Variants in PRDM16 observed in about 807,000 individuals in gnomAD.
PRDM16 encodes PR/SET domain 16.
A neutral mutation model predicts 110.6 loss-of-function variants in PRDM16; 23 were observed. That is an observed-to-expected ratio of 0.21 (90% confidence interval 0.15 to 0.29). The LOEUF (loss-of-function observed/expected upper bound fraction) is 0.29, where lower values mean the gene tolerates loss of function less well. Among genes scored for constraint, PRDM16 ranks in the 10% least tolerant of loss-of-function variants. PRDM16 has a pLI of 1.00. For missense variants in PRDM16, 1,615 were observed against 1,794.3 expected, an observed-to-expected ratio of 0.90 and a Z score of 1.81; for synonymous variants, 799 against 781.8, an observed-to-expected ratio of 1.02 and a Z score of -0.37.
Position 3,080,295 on chromosome 1 carries a change from A to G in PRDM16, c.37+10999A>G, listed in dbSNP as rs1453046522. 6.6e-6 allele frequency among the ~76,000 whole-genome samples: 1 copy of G among 152,210 alleles called. No individual in the cohort carries two copies. Among genetic ancestry groups the G allele is most frequent in the Non-Finnish European group, 1.5e-5 (1 of 68,038 alleles). On this transcript the variant is annotated intron_variant, in intron 1 of 16. Transcript: ENST00000270722. This position sits in a 1 kb window ranked among gnomAD's most constrained non-coding sequence, Gnocchi z 5.2. ...GTGCGAGTGCCTCTCTGAATGGGGT[A>G]TTCAGTTCCCAGCCCAGGCTGAGCG...
chr1:3,181,204 A>ACGGTCTTACACACG (rs1644164844), intron 1 of PRDM16, among the ~76,000 whole-genome samples: 1 of 128,930 alleles, frequency 7.8e-6, no homozygotes, highest in Admixed American at 7.8e-5. Flanking sequence ...GGTCTTACAC[A>ACGGTCTTACACACG]CGGTCTTACA....
intron 2 of PRDM16, among the ~76,000 whole-genome samples, chr1:3,228,033 C>T (rs1557543223): frequency 2.0e-5 from 3 of 152,226 alleles, no homozygotes; most frequent in South Asian, 4.1e-4. Context: ...TGTTCCGCTC[C>T]GGGAAAGCGA....
chr1:3,385,136 G>T lies in PRDM16; in HGVS notation c.439-16G>T. ...ACAGGGCACCTCTGACTCCCGCTTC[G>T]CTTTCCTCCCAGCAGATCTCCGAAG... On this transcript the variant is annotated splice_polypyrimidine_tract_variant and intron_variant, in intron 3 of 16. Coordinates refer to ENST00000270722, the MANE Select transcript of PRDM16 (RefSeq NM_022114.4). The T allele has an allele frequency of 6.2e-7, 1 of 1,613,166 alleles. No homozygotes were observed. Among genetic ancestry groups the T allele is most frequent in the South Asian group, 1.1e-5 (1 of 91,074 alleles).
chr1:3,165,934 CAG>C (rs1643951041), intron 1 of PRDM16, among the ~76,000 whole-genome samples: 3 of 115,602 alleles, frequency 2.6e-5, no homozygotes, highest in African/African-American at 3.9e-5. Context: ...GGCTCAGGGA[CAG>C]GGACTCACCT....
chr1:3,289,768 T>A (rs1640931454), intron 3 of PRDM16, among the ~76,000 whole-genome samples: 1 of 152,128 alleles, frequency 6.6e-6, no homozygotes, highest in Non-Finnish European at 1.5e-5. Context: ...TCACAGCTGC[T>A]ATGCCTGTGG....
At position 3,411,608 on chromosome 1, in the gene PRDM16, A is replaced by C. The variant is rs780210180; in HGVS notation, c.1411A>C (p.Lys471Gln). 1 of 1,613,868 alleles carries C rather than the reference A, an allele frequency of 6.2e-7. No homozygotes were observed. Among genetic ancestry groups the C allele is most frequent in the South Asian group, 1.1e-5 (1 of 91,072 alleles). Residue 471 changes from lysine (K) to glutamine (Q), a missense_variant, in exon 9 of 17, where the codon AAG (lysine) becomes CAG (glutamine). Lys to Gln is a moderately conservative substitution (Grantham distance 53, BLOSUM62 1). Transcript: ENST00000270722. Reference sequence around the variant, plus strand: ...CTTGACCCCCAGCCCCATGATGGACAAGGCAAAACCCTCCCCCAGCCTCAA... The same window carrying C: ...CTTGACCCCCAGCCCCATGATGGACCAGGCAAAACCCTCCCCCAGCCTCAA... ...LPLTPSPMMDKAKPSPSLNHA... is the reference protein window; with the variant it reads ...LPLTPSPMMDQAKPSPSLNHA...
chr1:3,238,274 G>T (rs186312354), intron 2 of PRDM16, among the ~76,000 whole-genome samples: 1 of 152,132 alleles, frequency 6.6e-6, no homozygotes, highest in Non-Finnish European at 1.5e-5. Flanking sequence ...TGTAAACAGC[G>T]GCGTAGAGAC....
intron 2 of PRDM16, among the ~76,000 whole-genome samples, chr1:3,212,146 G>A (rs1002477089): frequency 2.0e-5 from 3 of 152,168 alleles, no homozygotes; most frequent in African/African-American, 4.8e-5. Flanking sequence ...ACTGCGCGGC[G>A]CGGGCCTCCA....
At chr1:3,415,907 G>C (rs1638236119) in intron 10 of PRDM16, among the ~76,000 whole-genome samples, 1 of 152,276 alleles carries the variant, frequency 6.6e-6, no homozygotes, top group Non-Finnish European at 1.5e-5. Context: ...GGCCATGCCT[G>C]TGGAAAGACC....
At chr1:3,134,415 T>A (rs967631029) in intron 1 of PRDM16, among the ~76,000 whole-genome samples, 8 of 152,090 alleles carry the variant, frequency 5.3e-5, no homozygotes, top group Non-Finnish European at 7.4e-5. Context: ...GCCCCCAAAG[T>A]CAGGAAGATG....
In PRDM16 at chr1:3,246,141, G is replaced by A. The variant is rs1639785617; in HGVS notation, c.438+2004G>A. Among the ~76,000 whole-genome samples the A allele has an allele frequency of 6.6e-6, 1 of 152,174 alleles. No homozygotes were observed. Among genetic ancestry groups the A allele is most frequent in the Non-Finnish European group, 1.5e-5 (1 of 68,026 alleles). On this transcript the variant is annotated intron_variant, in intron 3 of 16. Transcript: ENST00000270722. This position sits in a 1 kb window ranked among gnomAD's most constrained non-coding sequence, Gnocchi z 5.2. ...CTAGGACAGAAGGAGGGTGAAGTGG[G>A]CGCCGCCTTCTGTGCCTCTGGGCCA...
intron 4 of PRDM16, among the ~76,000 whole-genome samples, chr1:3,388,281 C>CCTCTCTCTTTCTCTGT (rs373570644): frequency 1.3e-4 from 20 of 152,116 alleles, no homozygotes; most frequent in African/African-American, 2.9e-4. Context: ...TCTCTCTCTC[C>CCTCTCTCTTTCTCTGT]CTCTCTCTTT....
At chr1:3,115,725 C>A (rs1642942078) in intron 1 of PRDM16, among the ~76,000 whole-genome samples, 2 of 152,214 alleles carry the variant, frequency 1.3e-5, no homozygotes, top group Admixed American at 6.5e-5. Context: ...GGCCTGCAGT[C>A]CTGCCTTCCA....
chr1:3,098,302 G>A lies in PRDM16; in HGVS notation c.37+29006G>A, dbSNP rs1251343761. Reference sequence around the variant, plus strand: ...CAGCCCAGTGGGTTTTCTTGGGGCCGGCTCCCTGCTCCCTGCTCCTGGGTG... The same window carrying A: ...CAGCCCAGTGGGTTTTCTTGGGGCCAGCTCCCTGCTCCCTGCTCCTGGGTG... On this transcript the variant is annotated intron_variant, in intron 1 of 16. Transcript: ENST00000270722. Among the ~76,000 whole-genome samples, 3 of 152,314 alleles carry A rather than the reference G, an allele frequency of 2.0e-5. No individual in the cohort carries two copies. In the South Asian group the frequency reaches 6.2e-4, roughly 32 times the overall value.
chr1:3,405,171 G>A lies in PRDM16; in HGVS notation c.1032+285G>A, dbSNP rs139620466. On this transcript the variant is annotated intron_variant, in intron 7 of 16. Transcript: ENST00000270722. ...CCGCCGGTGTGGAAGGAAGAGGCTG[G>A]CGGGGCTGAGCCGAGCCTCCACCCC... 0.021 allele frequency among the ~76,000 whole-genome samples: 3,146 copies of A among 152,254 alleles called. 47 individuals carry two copies. Among genetic ancestry groups the A allele is most frequent in the Middle Eastern group, 0.051 (15 of 294 alleles).
rs1307353859 is a variant in PRDM16, at chr1:3,143,164, G to A, written c.38-42961G>A. 6.6e-6 allele frequency among the ~76,000 whole-genome samples: 1 copy of A among 152,206 alleles called. No individual in the cohort carries two copies. The highest frequency in any genetic ancestry group is 1.5e-5 in the Non-Finnish European group (1 of 68,044). ...GACCTTGTGGCAACCGCAGTGCTGG[G>A]CCGGGGGGAGTCGCTGGTTTGCAGC... On this transcript the variant is annotated intron_variant, in intron 1 of 16. Coordinates refer to ENST00000270722, the MANE Select transcript of PRDM16 (RefSeq NM_022114.4). The surrounding 1 kb of genome is among the most constrained non-coding windows in gnomAD (Gnocchi z 4.5).
intron 1 of PRDM16, among the ~76,000 whole-genome samples, chr1:3,114,484 G>A (rs1200189429): frequency 8.6e-5 from 12 of 139,458 alleles, no homozygotes; most frequent in South Asian, 2.3e-4. Context: ...AAACAGACAC[G>A]CACGCACGCA....
intron 2 of PRDM16, among the ~76,000 whole-genome samples, chr1:3,214,457 G>A (rs1032992943): frequency 1.3e-5 from 2 of 152,172 alleles, no homozygotes; most frequent in Non-Finnish European, 2.9e-5. Flanking sequence ...AGCACTTTGG[G>A]AGGCCAAGAC....
Position 3,353,191 on chromosome 1 carries a change from T to A in PRDM16, c.439-31961T>A, listed in dbSNP as rs998834888. Among the ~76,000 whole-genome samples the A allele has an allele frequency of 1.3e-5, 2 of 152,158 alleles. No individual in the cohort carries two copies. The highest frequency in any genetic ancestry group is 6.5e-5 in the Admixed American group (1 of 15,286). On this transcript the variant is annotated intron_variant, in intron 3 of 16. Coordinates refer to ENST00000270722, the MANE Select transcript of PRDM16 (RefSeq NM_022114.4). This position sits in a 1 kb window ranked among gnomAD's most constrained non-coding sequence, Gnocchi z 5.4. ...TGCTGCTTCCTCCTGACCAATGCCCTCCTGTAGTAAAAGTTAACCGGGTGT... is the reference window on the plus strand; with the variant it reads ...TGCTGCTTCCTCCTGACCAATGCCCACCTGTAGTAAAAGTTAACCGGGTGT...
Sources: gnomAD v4.1 joint callset for allele counts (sites outside exome capture counted in the v4.1 genomes callset) on GRCh38, gnomAD v4.1.1 for gene constraint, Gnocchi (gnomAD v3.1) non-coding constraint, MANE v1.5 for transcripts, NCBI Gene and HGNC (gene_info 2026-07-23, HGNC 2026-07-21) for gene names.